Variants in ADD3 observed in about 807,000 individuals in gnomAD.
The protein encoded by ADD3 is gamma-adducin.
In ADD3, 25 loss-of-function variants were observed where a neutral mutation model predicts 80.2. The observed-to-expected ratio is 0.31, with a 90% CI of 0.23 to 0.44. ADD3 has a LOEUF of 0.44. Among genes scored for constraint, ADD3 ranks in the 20% least tolerant of loss-of-function variants. The probability of loss-of-function intolerance (pLI) is 1.00; values close to 1 mark genes in which losing one functional copy is unlikely to be tolerated. For synonymous variants in ADD3, 284 were observed against 289.6 expected (o/e 0.98, Z 0.20); for missense variants, 829 against 847.5 (o/e 0.98, Z 0.27).
intron 1 of ADD3, among the ~76,000 whole-genome samples, chr10:110,076,686 A>G (rs1397810248): frequency 1.3e-5 from 2 of 152,198 alleles, no homozygotes; most frequent in African/African-American, 4.8e-5. Context: ...CTGTTGCTAA[A>G]CTTAGAAGTT....
At chr10:110,001,367 A>C (rs1851481031), upstream of ADD3, among the ~76,000 whole-genome samples, 1 of 151,914 alleles carries the variant, frequency 6.6e-6, no homozygotes, top group East Asian at 1.9e-4. Flanking sequence ...GTGAGCTGAA[A>C]TCACACCACT....
rs1338761346 is a variant in ADD3 at position 110,123,859 on chromosome 10, G to A, written c.1144-158G>A. The stretch of plus-strand genomic sequence containing the variant: ...TGAAATTTGCATAATTTCAGCTCCA[G>A]TGTTACATGAAAGTTATGTGGTGTT... On this transcript the variant is annotated intron_variant, in intron 9 of 14. Transcript: ENST00000356080. 4 of 693,028 alleles carry A rather than the reference G, an allele frequency of 5.8e-6. No individual in the cohort carries two copies. In the Admixed American group the frequency reaches 1.1e-4, roughly 20 times the overall value. 42.9% of individuals were successfully genotyped at this position (693,028 alleles called of 1,614,324 possible).
chr10:110,073,074 G>A (rs1478178589), intron 1 of ADD3, among the ~76,000 whole-genome samples: 1 of 150,794 alleles, frequency 6.6e-6, no homozygotes, highest in Admixed American at 6.6e-5. Context: ...ATCACTGTTC[G>A]ACTTATCTCC....
intron 8 of ADD3, among the ~76,000 whole-genome samples, chr10:110,120,487 G>A (rs1402858544): frequency 6.6e-6 from 1 of 151,810 alleles, no homozygotes; most frequent in Non-Finnish European, 1.5e-5. Context: ...TTGGACATTT[G>A]GTTGGTTCCA....
intron 1 of ADD3, among the ~76,000 whole-genome samples, chr10:110,048,246 A>G (rs1024388387): frequency 5.3e-5 from 8 of 152,128 alleles, no homozygotes; most frequent in Admixed American, 2.0e-4. Flanking sequence ...GCCACGTGGA[A>G]CTGTGAGTCC....
At chr10:110,043,332 C>A (rs1019898424) in intron 1 of ADD3, among the ~76,000 whole-genome samples, 5 of 151,994 alleles carry the variant, frequency 3.3e-5, no homozygotes, top group Non-Finnish European at 7.4e-5. Context: ...TTAAACAAAT[C>A]CTATTTATTT....
At position 110,065,539 on chromosome 10, in the gene ADD3, C is replaced by CCTTTTTTTTTTTT. The variant is rs1843806502; in HGVS notation, c.-29-35086_-29-35085insCTTTTTTTTTTTT. 3.2e-3 allele frequency among the ~76,000 whole-genome samples: 99 copies of CCTTTTTTTTTTTT among 31,196 alleles called. 8 individuals are homozygous for CCTTTTTTTTTTTT. Among genetic ancestry groups the CCTTTTTTTTTTTT allele is most frequent in the Non-Finnish European group, 6.4e-3 (85 of 13,372 alleles). The allele number at this position is 31,196 out of a possible 152,430, so 20.5% of individuals were successfully genotyped here. On this transcript the variant is annotated intron_variant, in intron 1 of 14. Coordinates refer to ENST00000356080, the MANE Select transcript of ADD3 (RefSeq NM_016824.5). ...TTTTTTCTTAGCCTCTCTCTCTCCC[C>CCTTTTTTTTTTTT]TTTTTTTTTTTTTTTTTTGAGAAAG...
chr10:110,023,793 T>G (rs1289822082), intron 1 of ADD3, among the ~76,000 whole-genome samples: 1 of 152,246 alleles, frequency 6.6e-6, no homozygotes, highest in East Asian at 1.9e-4. Flanking sequence ...GGTTGAATAG[T>G]CACCATTTTG....
At chr10:110,130,663 C>T (rs986049755) in intron 13 of ADD3, among the ~76,000 whole-genome samples, 177 bp downstream of exon 13, 1 of 152,118 alleles carries the variant, frequency 6.6e-6, no homozygotes, top group African/African-American at 2.4e-5. Context: ...TGAGACCAGC[C>T]TGGCCAACAT....
chr10:110,077,835 C>G (rs76718517), intron 1 of ADD3, among the ~76,000 whole-genome samples: 3,030 of 152,054 alleles, frequency 0.02, 40 homozygotes, highest in Non-Finnish European at 0.033. Context: ...TCTCTTTGTA[C>G]CTGAGTTTTA....
At chr10:110,053,056 A>G (rs1446758384) in intron 1 of ADD3, among the ~76,000 whole-genome samples, 1 of 152,232 alleles carries the variant, frequency 6.6e-6, no homozygotes, top group African/African-American at 2.4e-5. Flanking sequence ...ACAATAGGAA[A>G]AATAGAGTTT....
intron 1 of ADD3, among the ~76,000 whole-genome samples, chr10:110,067,792 G>A (rs1589965304): frequency 1.3e-5 from 2 of 152,140 alleles, no homozygotes; most frequent in African/African-American, 2.4e-5. Context: ...TTTCCTCAAG[G>A]TTCTCAGTTT....
At chr10:110,084,259 C>G (rs1387023423) in intron 1 of ADD3, among the ~76,000 whole-genome samples, 1 of 152,142 alleles carries the variant, frequency 6.6e-6, no homozygotes, top group Non-Finnish European at 1.5e-5. Context: ...GTTTTAGATT[C>G]TTATGGAAAT....
intron 8 of ADD3, among the ~76,000 whole-genome samples, chr10:110,120,085 T>TA (rs986847928): frequency 2.0e-5 from 3 of 151,926 alleles, no homozygotes; most frequent in African/African-American, 7.3e-5. Context: ...CTTTTTTTTT[T>TA]AATTATACTT....
chr10:110,043,577 T>A (rs1343303298), intron 1 of ADD3, among the ~76,000 whole-genome samples: 4 of 152,226 alleles, frequency 2.6e-5, no homozygotes, highest in Admixed American at 6.5e-5. Context: ...GGAGCCACAT[T>A]TTTTCCACTG....
chr10:110,031,149 C>T (rs1854967339), intron 1 of ADD3, among the ~76,000 whole-genome samples: 1 of 152,184 alleles, frequency 6.6e-6, no homozygotes, highest in African/African-American at 2.4e-5. Flanking sequence ...TGGCGCATGC[C>T]TGTAGTCCTA....
At chr10:110,106,181 G>T in intron 2 of ADD3, 1 of 148,590 alleles carries the variant, frequency 6.7e-6, no homozygotes, top group Non-Finnish European at 1.5e-5. Flanking sequence ...TTCCTCTCTA[G>T]TAATTTTGAG....
intron 1 of ADD3, among the ~76,000 whole-genome samples, chr10:110,038,904 A>G (rs534740375): frequency 6.6e-6 from 1 of 152,208 alleles, no homozygotes; most frequent in Non-Finnish European, 1.5e-5. Flanking sequence ...AAGATGTTAC[A>G]GTAAATTATG....
intron 1 of ADD3, among the ~76,000 whole-genome samples, chr10:110,065,538 C>A (rs1188949151): frequency 8.5e-5 from 1 of 11,746 alleles, no homozygotes; most frequent in African/African-American, 1.5e-4. Context: ...CTCTCTCTCC[C>A]CTTTTTTTTT....
Sources: allele counts gnomAD v4.1 joint callset (sites outside exome capture counted in the v4.1 genomes callset), GRCh38; gene constraint gnomAD v4.1.1; transcripts MANE v1.5; gene names NCBI Gene and HGNC (gene_info 2026-07-23, HGNC 2026-07-21).